Variants in KIF21A observed in about 807,000 individuals in gnomAD.
KIF21A encodes the protein kinesin family member 21A.
Under a neutral mutation model 202.9 loss-of-function variants are expected in KIF21A, and 114 were observed. That is an observed-to-expected ratio of 0.56 (90% CI 0.48 to 0.66). KIF21A has a LOEUF of 0.66. KIF21A is among the 30% of genes least tolerant of loss of function. The probability of loss-of-function intolerance (pLI) is 0.00; values close to 1 mark genes in which losing one functional copy is unlikely to be tolerated. For synonymous variants in KIF21A, 667 were observed against 670.8 expected (o/e 0.99, Z 0.09); for missense variants, 1,677 against 1,994.9 (o/e 0.84, Z 3.04).
chr12:39,403,823 T>C (rs1167838175), intron 1 of KIF21A, among the ~76,000 whole-genome samples: 3 of 152,206 alleles, frequency 2.0e-5, no homozygotes, highest in Non-Finnish European at 2.9e-5. Context: ...CTCAGCTTAG[T>C]AGCAAAGTCT....
chr12:39,377,804 T>C (rs7978854), intron 1 of KIF21A, among the ~76,000 whole-genome samples: 1 of 152,112 alleles, frequency 6.6e-6, no homozygotes, highest in African/African-American at 2.4e-5. Flanking sequence ...AGGGAGTACA[T>C]ACTTTTATGA....
intron 37 of KIF21A, among the ~76,000 whole-genome samples, chr12:39,296,621 G>A (rs1437378865): frequency 6.6e-6 from 1 of 152,212 alleles, no homozygotes; most frequent in Non-Finnish European, 1.5e-5. Context: ...TCTTACTGAG[G>A]AAGAAAGACT....
At chr12:39,315,333 G>GAGGGAA in intron 30 of KIF21A, 93 bp from the exon 31 acceptor site, 1 of 1,116,508 alleles carries the variant, frequency 9.0e-7, no homozygotes, top group Non-Finnish European at 1.3e-6. Context: ...GAATGAGACA[G>GAGGGAA]AGAGAAAGAG....
intron 8 of KIF21A, among the ~76,000 whole-genome samples, chr12:39,357,874 A>C (rs927714071): frequency 1.5e-5 from 2 of 129,202 alleles, no homozygotes; most frequent in African/African-American, 5.8e-5. Flanking sequence ...ACGCCACTGC[A>C]CTCCAGCGTG....
chr12:39,304,992 G>T, intron 34 of KIF21A, 54 bp from the exon 35 acceptor site: 2 of 833,700 alleles, frequency 2.4e-6, no homozygotes, highest in South Asian at 2.8e-5. Context: ...AGTATGATGG[G>T]ACTAAGCCTC....
At position 39,367,120 on chromosome 12, in the gene KIF21A, G is replaced by A. The variant is rs1949654082; in HGVS notation, c.645C>T (p.Ala215=). 2.5e-6 allele frequency: 4 copies of A among 1,613,840 alleles called. No homozygotes were observed. The highest frequency in any genetic ancestry group is 2.7e-5 in the African/African-American group (2 of 75,036). The change falls in exon 5 of 38, where the codon GCC becomes GCT. Residue 215 remains alanine, a synonymous_variant. Transcript: ENST00000361418. The part of the protein sequence containing the change: ...LKLGALSRTT[A]STQMNVQSSR... ...AGCTCTGAACATTCATCTGGGTACT[G>A]GCAGTTGTCCGGGATAAAGCACCCA...
chr12:39,329,583 G>A (rs1430913358), intron 24 of KIF21A, among the ~76,000 whole-genome samples: 1 of 151,756 alleles, frequency 6.6e-6, no homozygotes, highest in African/African-American at 2.4e-5. Context: ...AGAGGAGGAC[G>A]GACTGGGGAG....
chr12:39,437,594 AAAT>A (rs1273446488), intron 1 of KIF21A, among the ~76,000 whole-genome samples: 1 of 152,174 alleles, frequency 6.6e-6, no homozygotes, highest in African/African-American at 2.4e-5. Flanking sequence ...TCATTGAGAA[AAAT>A]AAGAGAGAAA....
chr12:39,361,734 C>T (rs2138982301), intron 7 of KIF21A, among the ~76,000 whole-genome samples: 1 of 152,204 alleles, frequency 6.6e-6, no homozygotes, highest in South Asian at 2.1e-4. Flanking sequence ...TCTTGATCTC[C>T]TGACCTCATG....
chr12:39,360,686 C>G (rs1844687267), intron 7 of KIF21A, among the ~76,000 whole-genome samples: 1 of 152,034 alleles, frequency 6.6e-6, no homozygotes, highest in African/African-American at 2.4e-5. Flanking sequence ...CCACTGTGCC[C>G]AGCTATAAAT....
chr12:39,305,741 T>C (rs1943409693), intron 34 of KIF21A, among the ~76,000 whole-genome samples: 1 of 152,192 alleles, frequency 6.6e-6, no homozygotes, highest in South Asian at 2.1e-4. Flanking sequence ...ATCAATCTGC[T>C]AAATGTCTGA....
In KIF21A at chr12:39,301,563, A is replaced by G; in HGVS notation, c.4848T>C (p.Phe1616=). The part of the protein sequence containing the change: ...GILKVWNMDT[F]MPVGEMKGHD... ...GACCCTTCATCTCTCCCACTGGCAT[A>G]AAAGTATCCATGTTCCAGACTTTCA... The change falls in exon 37 of 38, where the codon TTT becomes TTC. Residue 1616 remains phenylalanine, a synonymous_variant. Transcript: ENST00000361418. 6.2e-7 allele frequency: 1 copy of G among 1,614,128 alleles called. No individual in the cohort carries two copies. The highest frequency in any genetic ancestry group is 1.7e-5 in the Admixed American group (1 of 60,022).
Position 39,304,825 on chromosome 12 carries a change from A to C in KIF21A, c.4556T>G (p.Ile1519Ser). The change falls in exon 35 of 38, where the codon ATC (isoleucine) becomes AGC (serine). Residue 1519 changes from isoleucine (I) to serine (S), a missense_variant. This residue lies in a region of KIF21A where 705 missense variants were observed against 791.9 expected (regional missense o/e 0.89). Transcript: ENST00000361418. ...LIITGSKDHY[I>S]KMFDVTEGAL... Reference sequence around the variant, plus strand: ...CAGAAAGTCTCTTATACATACTTTGATGTAATGATCCTTGGAGCCAGTGAT... The same window carrying C: ...CAGAAAGTCTCTTATACATACTTTGCTGTAATGATCCTTGGAGCCAGTGAT... 2.7e-6 allele frequency: 4 copies of C among 1,478,862 alleles called. No individual in the cohort carries two copies. The highest frequency in any genetic ancestry group is 3.8e-6 in the Non-Finnish European group (4 of 1,057,044). 91.6% of individuals were successfully genotyped at this position (1,478,862 alleles called of 1,614,324 possible).
rs541133650 is a variant in KIF21A, at chr12:39,320,611, T to A, written c.3672-598A>T. 8.8e-4 allele frequency among the ~76,000 whole-genome samples: 134 copies of A among 151,522 alleles called. 1 individual carries two copies. The highest frequency in any genetic ancestry group is 3.1e-3 in the African/African-American group (129 of 41,334). On this transcript the variant is annotated intron_variant, in intron 27 of 37. Coordinates refer to ENST00000361418, the MANE Select transcript of KIF21A (RefSeq NM_001173464.2). ...AAAATTCAAGAAAATAATTTTTGTA[T>A]ATGGTGGTAATGAATTTTAACTGAA...
chr12:39,443,077 G>T lies in KIF21A; in HGVS notation c.-107C>A. ...AGTAGGCTGGGGCGTCTGCGGGCGG[G>T]CGGCCGGCTCACCTCCGCCGCGCTC... is the stretch of plus-strand genomic sequence containing the variant. On this transcript the variant is annotated 5_prime_UTR_variant, in exon 1 of 38. Transcript: ENST00000361418. 1 of 1,194,214 alleles carries T rather than the reference G, an allele frequency of 8.4e-7. No homozygotes were observed. The highest frequency in any genetic ancestry group is 1.1e-6 in the Non-Finnish European group (1 of 907,946). 74.0% of individuals were successfully genotyped at this position (1,194,214 alleles called of 1,614,324 possible).
chr12:39,368,853 T>C (rs747362703), intron 3 of KIF21A, among the ~76,000 whole-genome samples: 7 of 152,128 alleles, frequency 4.6e-5, no homozygotes, highest in African/African-American at 7.2e-5. Context: ...CTAAATTCTC[T>C]TTGCACCAAG....
chr12:39,427,712 G>T (rs1027341603), intron 1 of KIF21A, among the ~76,000 whole-genome samples: 1 of 152,202 alleles, frequency 6.6e-6, no homozygotes, highest in African/African-American at 2.4e-5. Context: ...AGTCTGGAGT[G>T]CAGTGGCACA....
chr12:39,324,674 T>C (rs1945666527), intron 26 of KIF21A, among the ~76,000 whole-genome samples: 1 of 152,206 alleles, frequency 6.6e-6, no homozygotes, highest in African/African-American at 2.4e-5. Context: ...TAGGCCCATA[T>C]TCCCACACAG....
intron 8 of KIF21A, 113 bp downstream of exon 8, chr12:39,358,065 C>G: frequency 1.1e-6 from 1 of 911,086 alleles, no homozygotes; most frequent in East Asian, 2.4e-5. Flanking sequence ...AAGGAGGACA[C>G]TATTATGACA....
Sources: allele counts gnomAD v4.1 joint callset (sites outside exome capture counted in the v4.1 genomes callset), GRCh38; gene constraint gnomAD v4.1.1; regional missense constraint gnomAD v4.1.1; transcripts MANE v1.5; gene names NCBI Gene and HGNC (gene_info 2026-07-23, HGNC 2026-07-21).